The following RBM27 variants were observed in gnomAD, a reference collection of about 807,000 sequenced individuals.
RBM27 encodes RNA binding motif protein 27, also known as RNA-binding protein 27.
RBM27 carries 22 observed loss-of-function variants against 135.3 expected under a neutral mutation model. That is an observed-to-expected ratio of 0.16 (90% confidence interval 0.12 to 0.23). RBM27 has a LOEUF of 0.23. Ranked by LOEUF, RBM27 falls within the 10% of genes least tolerant of loss-of-function variation. RBM27 has a pLI of 1.00. For missense variants in RBM27, 1,009 were observed against 1,281.0 expected, an observed-to-expected ratio of 0.79 and a Z score of 3.24; for synonymous variants, 481 against 442.4, an observed-to-expected ratio of 1.09 and a Z score of -1.10.
chr5:146,281,116 G>A (rs1348118206), intron 19 of RBM27, among the ~76,000 whole-genome samples: 1 of 152,076 alleles, frequency 6.6e-6, no homozygotes, highest in Non-Finnish European at 1.5e-5. Context: ...GTGCTAGGAT[G>A]ACAGGCGTGA....
In RBM27 at chr5:146,287,913, G is replaced by C. The variant is rs1759646783; in HGVS notation, c.*1883G>C. On this transcript the variant is annotated 3_prime_UTR_variant, in exon 21 of 21. Transcript: ENST00000265271. ...TAATGAAATTTTTCTTGATGTCTGT[G>C]GCTCAGTCAGTATATATTTTGAAAG... is the stretch of plus-strand genomic sequence containing the variant. 2 of 151,958 alleles carry C rather than the reference G, an allele frequency of 1.3e-5. No homozygotes were observed. The highest frequency in any genetic ancestry group is 2.9e-5 in the Non-Finnish European group (2 of 67,928). 9.4% of individuals were successfully genotyped at this position (151,958 alleles called of 1,614,324 possible).
intron 10 of RBM27, among the ~76,000 whole-genome samples, chr5:146,256,441 C>T (rs1235047388): frequency 6.6e-6 from 1 of 151,242 alleles, no homozygotes; most frequent in East Asian, 1.9e-4. Context: ...CCTCCGCCTC[C>T]TGGGTTCAAG....
At chr5:146,274,495 A>G (rs1042716500) in intron 19 of RBM27, among the ~76,000 whole-genome samples, 2 of 152,060 alleles carry the variant, frequency 1.3e-5, no homozygotes, top group Non-Finnish European at 2.9e-5. Context: ...CCTGGCCTCC[A>G]GTGATAACTG....
chr5:146,234,431 G>A (rs1757074748), intron 7 of RBM27, among the ~76,000 whole-genome samples: 1 of 151,646 alleles, frequency 6.6e-6, no homozygotes, highest in African/African-American at 2.4e-5. Context: ...GTTTTTTGCT[G>A]GAGTAAATTC....
At chr5:146,229,931 C>G in intron 5 of RBM27, 21 bp downstream of exon 5, 2 of 1,612,322 alleles carry the variant, frequency 1.2e-6, no homozygotes, top group Non-Finnish European at 1.7e-6. Flanking sequence ...GAGTGTCCCC[C>G]TAAAAACTCT....
At chr5:146,209,020 G>T (rs1755825723) in intron 1 of RBM27, among the ~76,000 whole-genome samples, 1 of 151,952 alleles carries the variant, frequency 6.6e-6, no homozygotes, top group Non-Finnish European at 1.5e-5. Flanking sequence ...TTCTAGTTCC[G>T]TATCTATCTC....
intron 8 of RBM27, among the ~76,000 whole-genome samples, chr5:146,241,423 T>C (rs1190603839): frequency 6.6e-6 from 1 of 152,232 alleles, no homozygotes; most frequent in Non-Finnish European, 1.5e-5. Flanking sequence ...TTTTTCTGTT[T>C]TATTTAAAAG....
At position 146,271,507 on chromosome 5, in the gene RBM27, G is replaced by A; in HGVS notation, c.2821G>A (p.Val941Met). 6.2e-7 allele frequency: 1 copy of A among 1,613,132 alleles called. No individual in the cohort carries two copies. Among genetic ancestry groups the A allele is most frequent in the Non-Finnish European group, 8.5e-7 (1 of 1,179,394 alleles). Residue 941 changes from valine to methionine, a missense_variant, in exon 19 of 21, where the codon GTG becomes ATG. By Grantham distance (21) the Val-to-Met change is conservative. Around this residue, in one of 6 missense-constraint regions of RBM27, gnomAD observed 355 missense variants for 427.3 expected, o/e 0.83. Transcript: ENST00000265271. ...VEAARLGILP[V>M]GRGKTMSSQG... is the part of the protein sequence containing the mutation. ...GGCTGCACGGTTAGGTATTTTACCT[G>A]TGGGTCGAGGAAAGACCATGTCCTC...
At chr5:146,285,072 A>G (rs1759527368) in intron 20 of RBM27, among the ~76,000 whole-genome samples, 1 of 152,154 alleles carries the variant, frequency 6.6e-6, no homozygotes, top group Non-Finnish European at 1.5e-5. Flanking sequence ...TGTTTATTCA[A>G]GTTCCATAGT....
rs1759658314 is a variant in RBM27 at position 146,288,248 on chromosome 5, A to G, written c.*2218A>G. ...GACCTCAAAATGGACATCTTATTTC[A>G]CTCTCAGTAAAAAGTTGAAAATTTG... On this transcript the variant is annotated 3_prime_UTR_variant, in exon 21 of 21. Transcript: ENST00000265271. 1.3e-5 allele frequency: 2 copies of G among 151,996 alleles called. No individual in the cohort carries two copies. The highest frequency in any genetic ancestry group is 6.6e-5 in the Admixed American group (1 of 15,244). 9.4% of individuals were successfully genotyped at this position (151,996 alleles called of 1,614,324 possible).
intron 18 of RBM27, 149 bp downstream of exon 18, chr5:146,271,207 C>T: frequency 1.6e-6 from 1 of 619,316 alleles, no homozygotes; most frequent in Non-Finnish European, 2.8e-6. Flanking sequence ...TTGAGACAAG[C>T]CTGACCAACA....
At chr5:146,241,650 G>A (rs566954029) in intron 8 of RBM27, among the ~76,000 whole-genome samples, 1 of 152,186 alleles carries the variant, frequency 6.6e-6, no homozygotes, top group Non-Finnish European at 1.5e-5. Context: ...GTACAGATGG[G>A]GTTTCGCCAT....
chr5:146,229,050 C>G lies in RBM27; in HGVS notation c.395+13C>G. The G allele has an allele frequency of 6.2e-7, 1 of 1,605,416 alleles. No individual in the cohort carries two copies. ...CTAGTGAACGAAGGTTTGTGTTTATCTTTAATTAGGAAGACATTGATAACT... is the reference window on the plus strand; with the variant it reads ...CTAGTGAACGAAGGTTTGTGTTTATGTTTAATTAGGAAGACATTGATAACT... On this transcript the variant is annotated intron_variant, in intron 4 of 20. Transcript: ENST00000265271.
intron 9 of RBM27, among the ~76,000 whole-genome samples, chr5:146,252,814 G>A (rs1023056725): frequency 1.3e-5 from 2 of 152,026 alleles, no homozygotes; most frequent in Non-Finnish European, 2.9e-5. Flanking sequence ...CATCAGGAGG[G>A]AATGCTCATG....
chr5:146,239,776 T>G (rs1381804183), intron 8 of RBM27, among the ~76,000 whole-genome samples: 18 of 84,144 alleles, frequency 2.1e-4, no homozygotes, highest in African/African-American at 5.8e-4. Context: ...ACGCCTGGAC[T>G]TTTTTTTTTT....
chr5:146,206,275 T>C (rs986289622), intron 1 of RBM27, among the ~76,000 whole-genome samples: 10 of 151,416 alleles, frequency 6.6e-5, no homozygotes, highest in African/African-American at 2.4e-4. Flanking sequence ...CTAAGATGTT[T>C]TACTCTGAGT....
intron 19 of RBM27, among the ~76,000 whole-genome samples, chr5:146,276,761 A>G (rs1263445915): frequency 6.6e-6 from 1 of 152,222 alleles, no homozygotes; most frequent in Non-Finnish European, 1.5e-5. Context: ...ACCTTGTTAA[A>G]AAAGTAATGT....
intron 1 of RBM27, among the ~76,000 whole-genome samples, chr5:146,211,443 C>A: frequency 9.5e-6 from 1 of 105,276 alleles, no homozygotes; most frequent in Admixed American, 1.0e-4. Context: ...TTTTTACTTA[C>A]TTTGTCCAGT....
intron 14 of RBM27, among the ~76,000 whole-genome samples, chr5:146,266,659 G>A (rs1224941783): frequency 6.6e-6 from 1 of 152,136 alleles, no homozygotes; most frequent in African/African-American, 2.4e-5. Context: ...TAAAAAGACG[G>A]GTGCAGTGGC....
Sources: allele counts gnomAD v4.1 joint callset (sites outside exome capture counted in the v4.1 genomes callset), GRCh38; gene constraint gnomAD v4.1.1; regional missense constraint gnomAD v4.1.1; transcripts MANE v1.5; gene names NCBI Gene and HGNC (gene_info 2026-07-23, HGNC 2026-07-21).